The following TXNDC12 variants were observed in gnomAD, a reference collection of about 807,000 sequenced individuals.
The protein encoded by TXNDC12 is thioredoxin domain-containing protein 12.
TXNDC12 carries 22 observed loss-of-function variants against 24.2 expected under a neutral mutation model. That is an observed-to-expected ratio of 0.91 (90% CI 0.65 to 1.30). TXNDC12 has a LOEUF of 1.30. Ranked by LOEUF, TXNDC12 falls within the 50% of genes most tolerant of loss-of-function variation. The pLI, the probability that TXNDC12 is intolerant of heterozygous loss-of-function variation, is 0.00. For synonymous variants in TXNDC12, 58 were observed against 73.4 expected (o/e 0.79, Z 1.07); for missense variants, 184 against 205.8 (o/e 0.89, Z 0.65).
intron 2 of TXNDC12, among the ~76,000 whole-genome samples, chr1:52,039,251 T>C (rs1343240852): frequency 1.3e-5 from 2 of 152,090 alleles, no homozygotes; most frequent in Non-Finnish European, 2.9e-5. Context: ...AATGGCACCT[T>C]GTATGGGTTT....
chr1:52,026,444 C>G (rs1036686889), intron 4 of TXNDC12, among the ~76,000 whole-genome samples: 1 of 152,194 alleles, frequency 6.6e-6, no homozygotes, highest in East Asian at 1.9e-4. Flanking sequence ...CATAAGGAAA[C>G]AAGCAGGTTG....
Position 52,028,596 on chromosome 1 carries a change from A to C in TXNDC12, c.193T>G (p.Trp65Gly), listed in dbSNP as rs750555061. 4 of 1,613,168 alleles carry C rather than the reference A, an allele frequency of 2.5e-6. No individual in the cohort carries two copies. Among genetic ancestry groups the C allele is most frequent in the Non-Finnish European group, 3.4e-6 (4 of 1,179,764 alleles). ...LPLMVIIHKS[W>G]CGACKALKPK... ...CACTTACCTTTGCAAGCTCCACACC[A>C]GGATTTATGAATAATCACCATCAGG... The change falls in exon 3 of 7, where the codon TGG becomes GGG. Residue 65 changes from tryptophan (W) to glycine (G), a missense_variant. Coordinates refer to ENST00000371626, the MANE Select transcript of TXNDC12 (RefSeq NM_015913.4).
At chr1:52,031,123 G>A (rs1478387795) in intron 2 of TXNDC12, among the ~76,000 whole-genome samples, 1 of 149,662 alleles carries the variant, frequency 6.7e-6, no homozygotes, top group Non-Finnish European at 1.5e-5. Flanking sequence ...TTTGTCTTTT[G>A]TCATCATCCT....
At chr1:52,033,668 C>T (rs1408254482) in intron 2 of TXNDC12, 2 of 1,611,130 alleles carry the variant, frequency 1.2e-6, no homozygotes, top group Admixed American at 3.3e-5. Context: ...ACCACGTACA[C>T]CGCGCGGCCC....
At chr1:52,028,661 A>C in intron 2 of TXNDC12, 31 bp from the exon 3 acceptor site, 1 of 1,515,346 alleles carries the variant, frequency 6.6e-7, no homozygotes, top group Non-Finnish European at 9.1e-7. Context: ...ATTATAATCT[A>C]GTAATTCTAC....
intron 6 of TXNDC12, among the ~76,000 whole-genome samples, chr1:52,022,891 G>A (rs536168832): frequency 4.0e-4 from 61 of 151,960 alleles, no homozygotes; most frequent in African/African-American, 1.1e-3. Context: ...CTCCCGCCTC[G>A]GCCTCCCAAA....
Position 52,027,974 on chromosome 1 carries a change from T to C in TXNDC12, c.211+604A>G, listed in dbSNP as rs572438003. On this transcript the variant is annotated intron_variant, in intron 3 of 6. Coordinates refer to ENST00000371626, the MANE Select transcript of TXNDC12 (RefSeq NM_015913.4). Reference sequence around the variant, plus strand: ...CCGAGTAGCTAGGATTACAGGCGCGTGCCACCAAATCCAGCTACTTTTTTT... The same window carrying C: ...CCGAGTAGCTAGGATTACAGGCGCGCGCCACCAAATCCAGCTACTTTTTTT... 4.6e-5 allele frequency among the ~76,000 whole-genome samples: 7 copies of C among 151,988 alleles called. No homozygotes were observed. In the South Asian group the frequency reaches 1.5e-3, roughly 32 times the overall value.
chr1:52,033,947 A>G, intron 2 of TXNDC12: 1 of 1,428,560 alleles, frequency 7.0e-7, no homozygotes, highest in Non-Finnish European at 9.1e-7. Flanking sequence ...GAAAGGAGAT[A>G]CAGAGACTAT....
intron 2 of TXNDC12, among the ~76,000 whole-genome samples, chr1:52,038,322 T>A (rs1685921938): frequency 6.6e-6 from 1 of 151,978 alleles, no homozygotes; most frequent in Non-Finnish European, 1.5e-5. Flanking sequence ...CTTGTTTTTT[T>A]TTTTTTTGAG....
intron 1 of TXNDC12, among the ~76,000 whole-genome samples, chr1:52,053,099 CA>C (rs35268359): frequency 1.4e-5 from 2 of 144,078 alleles, no homozygotes; most frequent in Non-Finnish European, 3.0e-5. Flanking sequence ...CAAAAAAATA[CA>C]AAAAAAAAAA....
chr1:52,027,165 C>A lies in TXNDC12; in HGVS notation c.285+110G>T, dbSNP rs1189867599. ...TTAGCGGTCAAGAGAAAAACACATA[C>A]ATAAATTTGACTTCATACCACTAAT... On this transcript the variant is annotated intron_variant, in intron 4 of 6. Transcript: ENST00000371626. The A allele has an allele frequency of 5.8e-4, 427 of 735,040 alleles. 1 individual carries two copies. The highest frequency in any genetic ancestry group is 5.9e-5 in the Non-Finnish European group (26 of 439,686). 45.5% of individuals were successfully genotyped at this position (735,040 alleles called of 1,614,324 possible). A position where few individuals can be genotyped will look rare whatever the true frequency, so the allele number is the denominator to read the frequency against.
chr1:52,033,460 G>A (rs901842763), intron 2 of TXNDC12: 1 of 1,613,016 alleles, frequency 6.2e-7, no homozygotes, highest in African/African-American at 1.3e-5. Context: ...CAGGCAGAGC[G>A]GGGTGCGCGC....
At position 52,020,354 on chromosome 1, in the gene TXNDC12, A is replaced by G. The variant is rs1571995328; in HGVS notation, c.*579T>C. ...CGCATGCGTGCAAACAGGGAAGCTC[A>G]AGCATGAGAAGAGGAAAGAGGCTGT... On this transcript the variant is annotated 3_prime_UTR_variant, in exon 7 of 7. Coordinates refer to ENST00000371626, the MANE Select transcript of TXNDC12 (RefSeq NM_015913.4). 5.2e-6 allele frequency: 2 copies of G among 388,210 alleles called. No individual in the cohort carries two copies. The highest frequency in any genetic ancestry group is 4.1e-5 in the African/African-American group (2 of 48,360). The allele number at this position is 388,210 out of a possible 1,614,324, so 24.0% of individuals were successfully genotyped here.
At chr1:52,035,328 T>C (rs1258374671) in intron 2 of TXNDC12, among the ~76,000 whole-genome samples, 1 of 152,210 alleles carries the variant, frequency 6.6e-6, no homozygotes, top group Admixed American at 6.5e-5. Context: ...ATTATGTAAC[T>C]TTTCTGTACT....
At chr1:52,023,369 C>T in intron 6 of TXNDC12, 122 bp downstream of exon 6, 1 of 752,780 alleles carries the variant, frequency 1.3e-6, no homozygotes, top group Non-Finnish European at 2.2e-6. Context: ...TGGCCAAAAG[C>T]TATAGACATG....
intron 2 of TXNDC12, among the ~76,000 whole-genome samples, chr1:52,037,369 C>T (rs752603767): frequency 5.3e-5 from 8 of 152,046 alleles, no homozygotes; most frequent in Non-Finnish European, 8.8e-5. Flanking sequence ...TGTGCCACCA[C>T]GCCCGGCGAA....
chr1:52,041,904 AATTTCCC>A (rs1298926805), intron 1 of TXNDC12, among the ~76,000 whole-genome samples: 1 of 152,244 alleles, frequency 6.6e-6, no homozygotes, highest in Non-Finnish European at 1.5e-5. Context: ...AATGAACGAG[AATTTCCC>A]ACAGAGTAAA....
chr1:52,055,289 G>T (rs1686318291), upstream of TXNDC12: 1 of 563,966 alleles, frequency 1.8e-6, no homozygotes, highest in Non-Finnish European at 3.2e-6. Context: ...GATGGAGTGA[G>T]CTTAAAGGTG....
intron 2 of TXNDC12, among the ~76,000 whole-genome samples, chr1:52,039,351 C>G (rs2124380049): frequency 6.6e-6 from 1 of 150,756 alleles, no homozygotes; most frequent in Admixed American, 6.6e-5. Context: ...TTTTTTGAGA[C>G]CAAGTCTCGC....
Sources: gnomAD v4.1 joint callset for allele counts (sites outside exome capture counted in the v4.1 genomes callset) on GRCh38, gnomAD v4.1.1 for gene constraint, MANE v1.5 for transcripts, NCBI Gene and HGNC (gene_info 2026-07-23, HGNC 2026-07-21) for gene names.